The following NPLOC4 variants were observed in gnomAD, a reference collection of about 807,000 sequenced individuals.
The protein encoded by NPLOC4 is NPL4 homolog, ubiquitin recognition factor.
A neutral mutation model predicts 80.6 loss-of-function variants in NPLOC4; 18 were observed. That is an observed-to-expected ratio of 0.22 (90% CI 0.15 to 0.33). The LOEUF is 0.33. Among genes scored for constraint, NPLOC4 ranks in the 10% least tolerant of loss-of-function variants. The pLI is 1.00. For synonymous variants in NPLOC4, 313 were observed against 301.5 expected (o/e 1.04, Z -0.39); for missense variants, 540 against 786.1 (o/e 0.69, Z 3.74).
chr17:81,569,198 C>T (rs1471287864), intron 13 of NPLOC4, 87 bp from the exon 14 acceptor site: 5 of 816,916 alleles, frequency 6.1e-6, no homozygotes, highest in African/African-American at 3.4e-5. Context: ...CTCCCAGAGC[C>T]CAAATTAACG....
chr17:81,565,614 G>C lies in NPLOC4; in HGVS notation c.1567-7C>G. The C allele has an allele frequency of 6.5e-7, 1 of 1,537,448 alleles. No homozygotes were observed. The highest frequency in any genetic ancestry group is 8.7e-7 in the Non-Finnish European group (1 of 1,144,340). On this transcript the variant is annotated splice_region_variant and splice_polypyrimidine_tract_variant and intron_variant, in intron 15 of 16. Coordinates refer to ENST00000331134, the MANE Select transcript of NPLOC4 (RefSeq NM_017921.4). ...GCAGCAAGCTGATGCTGTCCTACAA[G>C]AAGCCAAAAGGAAGGTTCCTCTTCG...
intron 12 of NPLOC4, among the ~76,000 whole-genome samples, chr17:81,582,896 A>G (rs1598633219): frequency 6.6e-6 from 1 of 152,262 alleles, no homozygotes; most frequent in Non-Finnish European, 1.5e-5. Flanking sequence ...GCTGATGGGC[A>G]GTGAGCCACA....
intron 16 of NPLOC4, among the ~76,000 whole-genome samples, chr17:81,559,727 C>CT (rs11335414): frequency 0.34 from 32,695 of 95,672 alleles, 7,006 homozygotes; most frequent in East Asian, 0.7. Flanking sequence ...TTGTTTCCAG[C>CT]TTTTTTTTTT....
At chr17:81,591,003 G>A (rs747560554) in intron 11 of NPLOC4, among the ~76,000 whole-genome samples, 1 of 152,180 alleles carries the variant, frequency 6.6e-6, no homozygotes, top group Non-Finnish European at 1.5e-5. Flanking sequence ...TCTCAGCAAA[G>A]ATACAGGCAC....
chr17:81,633,454 CAGA>C (rs1187093945), intron 1 of NPLOC4, among the ~76,000 whole-genome samples: 1 of 152,182 alleles, frequency 6.6e-6, no homozygotes, highest in Non-Finnish European at 1.5e-5. Flanking sequence ...TCCTCTACCA[CAGA>C]AGATGGGAGT....
At chr17:81,559,727 CTT>C (rs11335414) in intron 16 of NPLOC4, among the ~76,000 whole-genome samples, 1,347 of 95,644 alleles carry the variant, frequency 0.014, 13 homozygotes, top group African/African-American at 0.05. Context: ...TTGTTTCCAG[CTT>C]TTTTTTTTTT....
At chr17:81,579,273 G>A (rs1412361286) in intron 12 of NPLOC4, among the ~76,000 whole-genome samples, 1 of 152,214 alleles carries the variant, frequency 6.6e-6, no homozygotes, top group Non-Finnish European at 1.5e-5. Context: ...AAGTACCTGG[G>A]AAGCTGTGGC....
At chr17:81,621,252 T>C (rs1269332511) in intron 3 of NPLOC4, among the ~76,000 whole-genome samples, 1 of 152,148 alleles carries the variant, frequency 6.6e-6, no homozygotes, top group East Asian at 1.9e-4. Context: ...CCTCACCACA[T>C]GGGTAGGCAA....
At chr17:81,582,322 G>A (rs1237493244) in intron 12 of NPLOC4, among the ~76,000 whole-genome samples, 2 of 152,224 alleles carry the variant, frequency 1.3e-5, no homozygotes, top group African/African-American at 4.8e-5. Context: ...TATGATGCCC[G>A]ATGAGGGGCA....
chr17:81,622,710 C>A (rs2144299763), intron 2 of NPLOC4, among the ~76,000 whole-genome samples: 1 of 152,136 alleles, frequency 6.6e-6, no homozygotes, highest in African/African-American at 2.4e-5. Context: ...GCCACCACAC[C>A]CGGCTGATTT....
At chr17:81,632,237 A>T (rs2035950798) in intron 1 of NPLOC4, among the ~76,000 whole-genome samples, 1 of 152,054 alleles carries the variant, frequency 6.6e-6, no homozygotes, top group African/African-American at 2.4e-5. Flanking sequence ...AGCCTCCTAA[A>T]GTGCTGGGAT....
At chr17:81,610,180 G>A in intron 5 of NPLOC4, 30 bp downstream of exon 5, 3 of 1,559,778 alleles carry the variant, frequency 1.9e-6, no homozygotes, top group South Asian at 1.2e-5. Context: ...CCCCACACTG[G>A]CCCAGAACTT....
At chr17:81,636,511 G>C in intron 1 of NPLOC4, 1 of 165,610 alleles carries the variant, frequency 6.0e-6, no homozygotes, top group Admixed American at 6.4e-5. Context: ...GAGAGAATCA[G>C]AGGGAGATTA....
At chr17:81,630,340 T>A (rs2035896491) in intron 1 of NPLOC4, among the ~76,000 whole-genome samples, 1 of 152,060 alleles carries the variant, frequency 6.6e-6, no homozygotes, top group Non-Finnish European at 1.5e-5. Flanking sequence ...CAGGCTGGAG[T>A]GCAGTGGCAA....
rs571953721 is a variant in NPLOC4 at position 81,621,118 on chromosome 17, A to T, written c.209+1048T>A. 2.4e-4 allele frequency among the ~76,000 whole-genome samples: 36 copies of T among 152,108 alleles called. No individual in the cohort carries two copies. The East Asian group carries it at 6.0e-3, about 25-fold the overall frequency. On this transcript the variant is annotated intron_variant, in intron 3 of 16. Coordinates refer to ENST00000331134, the MANE Select transcript of NPLOC4 (RefSeq NM_017921.4). ...AAGAAAGAAAGAAAAGGAAAGAAGGAAGGAAGGAAAGAAAAGAAAAAAAAA... is the reference window on the plus strand; with the variant it reads ...AAGAAAGAAAGAAAAGGAAAGAAGGTAGGAAGGAAAGAAAAGAAAAAAAAA...
Position 81,580,535 on chromosome 17 carries a change from C to A in NPLOC4, c.1281+8409G>T, listed in dbSNP as rs1247059455. Among the ~76,000 whole-genome samples, 1 of 152,174 alleles carries A rather than the reference C, an allele frequency of 6.6e-6. No individual in the cohort carries two copies. Among genetic ancestry groups the A allele is most frequent in the Non-Finnish European group, 1.5e-5 (1 of 68,030 alleles). ...CTCCCACCTCTACCCCAGCAGGCCACCCTGCTTATCACTCTCTGTGTGGGG... is the reference window on the plus strand; with the variant it reads ...CTCCCACCTCTACCCCAGCAGGCCAACCTGCTTATCACTCTCTGTGTGGGG... On this transcript the variant is annotated intron_variant, in intron 12 of 16. Coordinates refer to ENST00000331134, the MANE Select transcript of NPLOC4 (RefSeq NM_017921.4). The surrounding 1 kb of genome is among the most constrained non-coding windows in gnomAD (Gnocchi z 4.4).
intron 1 of NPLOC4, among the ~76,000 whole-genome samples, chr17:81,636,230 C>G (rs991551641): frequency 6.6e-6 from 1 of 152,198 alleles, no homozygotes; most frequent in Non-Finnish European, 1.5e-5. Context: ...CTCGGCCTCC[C>G]AAAGTGCTGA....
At chr17:81,599,551 C>A (rs2035010425) in intron 9 of NPLOC4, among the ~76,000 whole-genome samples, 1 of 152,162 alleles carries the variant, frequency 6.6e-6, no homozygotes, top group Non-Finnish European at 1.5e-5. Context: ...GGTTTTAAGT[C>A]ACATTTGCAG....
intron 14 of NPLOC4, among the ~76,000 whole-genome samples, chr17:81,568,671 G>A (rs1283034179): frequency 1.3e-5 from 2 of 152,270 alleles, no homozygotes; most frequent in Non-Finnish European, 2.9e-5. Flanking sequence ...ACAGCCCCAA[G>A]GTGCCTAAGA....
Sources: allele counts gnomAD v4.1 joint callset (sites outside exome capture counted in the v4.1 genomes callset), GRCh38; gene constraint gnomAD v4.1.1; non-coding constraint Gnocchi (gnomAD v3.1); transcripts MANE v1.5; gene names NCBI Gene and HGNC (gene_info 2026-07-23, HGNC 2026-07-21).